The following LMNA variants were observed in gnomAD, a reference collection of about 807,000 sequenced individuals.
LMNA encodes lamin A/C.
LMNA carries 20 observed loss-of-function variants against 70.4 expected under a neutral mutation model. That is an observed-to-expected ratio of 0.28 (90% CI 0.20 to 0.41). The LOEUF (loss-of-function observed/expected upper bound fraction) is 0.41. Among genes scored for constraint, LMNA ranks in the 10% least tolerant of loss-of-function variants. The pLI, the probability that LMNA is intolerant of heterozygous loss-of-function variation, is 1.00. For missense variants in LMNA, 652 were observed against 917.2 expected (o/e 0.71, Z 3.73); for synonymous variants, 339 against 372.8 (o/e 0.91, Z 1.04).
intron 3 of LMNA, among the ~76,000 whole-genome samples, chr1:156,096,828 T>A (rs1408313981): frequency 6.6e-6 from 1 of 152,208 alleles, no homozygotes; most frequent in Admixed American, 6.5e-5. Context: ...CTTGGCCACC[T>A]CCCTTGCGCT....
upstream of LMNA, among the ~76,000 whole-genome samples, chr1:156,113,872 A>G (rs897905944): frequency 6.6e-6 from 1 of 152,186 alleles, no homozygotes; most frequent in Non-Finnish European, 1.5e-5. Flanking sequence ...GTAGAAAGGG[A>G]CTGAAGGGGG....
intron 3 of LMNA, among the ~76,000 whole-genome samples, chr1:156,096,930 C>A (rs1222304428): frequency 6.6e-6 from 1 of 152,168 alleles, no homozygotes; most frequent in Non-Finnish European, 1.5e-5. Flanking sequence ...CCCTGGGGCT[C>A]GGGGGCAGAC....
At position 156,134,313 on chromosome 1, in the gene LMNA, G is replaced by A; in HGVS notation, c.514-90G>A. 2.1e-6 allele frequency: 3 copies of A among 1,434,738 alleles called. No individual in the cohort carries two copies. The highest frequency in any genetic ancestry group is 1.4e-5 in the African/African-American group (1 of 71,160). The allele number at this position is 1,434,738 out of a possible 1,614,324, so 88.9% of individuals were successfully genotyped here. ...TGGACCTGTTTCCACATGTGTGAAG[G>A]GGTGCACAGGCAGCAGCCCACCTCT... On this transcript the variant is annotated intron_variant, in intron 2 of 11. Transcript: ENST00000368300. This position sits in a 1 kb window ranked among gnomAD's most constrained non-coding sequence, Gnocchi z 5.3.
Position 156,136,132 on chromosome 1 carries a change from G to T in LMNA, c.1157+11G>T. The T allele has an allele frequency of 6.2e-7, 1 of 1,613,904 alleles. No homozygotes were observed. The highest frequency in any genetic ancestry group is 8.5e-7 in the Non-Finnish European group (1 of 1,180,002). On this transcript the variant is annotated intron_variant, in intron 6 of 11. Coordinates refer to ENST00000368300, the MANE Select transcript of LMNA (RefSeq NM_170707.4). The surrounding 1 kb of genome is among the most constrained non-coding windows in gnomAD (Gnocchi z 6.1). ...GGGCGAGGAGGAGAGGTGGGCTGGG[G>T]AGACGTCGGGGAGGTGCTGGCAGTG...
rs373136704 is a variant in LMNA, at chr1:156,124,282, CCT to C, written c.357-6320_357-6319del. On this transcript the variant is annotated intron_variant, in intron 1 of 11. Transcript: ENST00000368300. ...CCTGGAACAGCTGCCCCCCTCAGTT[CCT>C]CTCTCTCTCTCTCTTTTTTTTTGAG... is the stretch of plus-strand genomic sequence containing the variant. 1.7e-3 allele frequency among the ~76,000 whole-genome samples: 253 copies of C among 150,928 alleles called. 1 individual carries two copies. The highest frequency in any genetic ancestry group is 6.0e-3 in the African/African-American group (246 of 41,002).
chr1:156,116,710 A>C (rs916164252), intron 1 of LMNA, among the ~76,000 whole-genome samples: 1 of 151,406 alleles, frequency 6.6e-6, no homozygotes, highest in African/African-American at 2.4e-5. Flanking sequence ...GATTACAGGC[A>C]TGTGCCACCA....
chr1:156,107,911 G>C lies in LMNA; in HGVS notation c.-206-6802G>C, dbSNP rs550124189. On this transcript the variant is annotated intron_variant, in intron 3 of 12. Coordinates refer to the LMNA transcript ENST00000368301. Reference sequence around the variant, plus strand: ...TCCCTGAGTAGCTGGGATTACAGGTGCATGCCACCACGCCCAGCTGATTTT... The same window carrying C: ...TCCCTGAGTAGCTGGGATTACAGGTCCATGCCACCACGCCCAGCTGATTTT... Among the ~76,000 whole-genome samples, 51 of 151,766 alleles carry C rather than the reference G, an allele frequency of 3.4e-4. 1 individual carries two copies. Among genetic ancestry groups the C allele is most frequent in the African/African-American group, 1.2e-3 (48 of 41,376 alleles).
At chr1:156,123,838 A>C (rs1650363976) in intron 1 of LMNA, among the ~76,000 whole-genome samples, 1 of 152,126 alleles carries the variant, frequency 6.6e-6, no homozygotes, top group African/African-American at 2.4e-5. Context: ...TGCCACGTTG[A>C]TACGCCCAGC....
chr1:156,097,723 C>A (rs908496115), intron 3 of LMNA, among the ~76,000 whole-genome samples: 25 of 152,310 alleles, frequency 1.6e-4, no homozygotes, highest in Middle Eastern at 3.4e-3. Context: ...AGGCCCCTAG[C>A]CTCCCTGCCT....
At chr1:156,104,588 G>A (rs958610409) in intron 3 of LMNA, among the ~76,000 whole-genome samples, 10 of 151,652 alleles carry the variant, frequency 6.6e-5, no homozygotes, top group East Asian at 5.8e-4. Flanking sequence ...GGTCTCTCTC[G>A]TCCATCCTCC....
At chr1:156,132,500 A>G (rs984351667) in intron 2 of LMNA, among the ~76,000 whole-genome samples, 1 of 152,112 alleles carries the variant, frequency 6.6e-6, no homozygotes, top group Non-Finnish European at 1.5e-5. Context: ...AAATAAAAAT[A>G]AATAATAAAT....
chr1:156,127,359 C>T (rs933602993), intron 1 of LMNA, among the ~76,000 whole-genome samples: 1 of 152,112 alleles, frequency 6.6e-6, no homozygotes, highest in African/African-American at 2.4e-5. Context: ...GGGAGCTCCC[C>T]GTGCCTAAGA....
chr1:156,136,340 C>T lies in LMNA; in HGVS notation c.1284C>T (p.Ser428=). 2 of 1,612,290 alleles carry T rather than the reference C, an allele frequency of 1.2e-6. No homozygotes were observed. Residue 428 remains serine (S), a synonymous_variant, in exon 7 of 12, where the codon AGC becomes AGT. Coordinates refer to ENST00000368300, the MANE Select transcript of LMNA (RefSeq NM_170707.4). This position sits in a 1 kb window ranked among gnomAD's most constrained non-coding sequence, Gnocchi z 6.1. ...AACTGGAGTCCACTGAGAGCCGCAGCAGCTTCTCACAGCACGCACGCACTA... is the reference window on the plus strand; with the variant it reads ...AACTGGAGTCCACTGAGAGCCGCAGTAGCTTCTCACAGCACGCACGCACTA... ...KRKLESTESR[S]SFSQHARTSG...
intron 3 of LMNA, among the ~76,000 whole-genome samples, chr1:156,104,907 C>T (rs1361046136): frequency 6.6e-6 from 1 of 152,208 alleles, no homozygotes; most frequent in African/African-American, 2.4e-5. Context: ...ACCATTTTCA[C>T]CTCCTCTGGG....
chr1:156,138,772 C>CT lies in LMNA; in HGVS notation c.1968+18dup, dbSNP rs554157057. ...CCCGAACCCAGGTGAGTTGTCTCTG[C>CT]TTTGTCTCCAAATCCTGCAGGCGGG... On this transcript the variant is annotated intron_variant, in intron 11 of 11. Coordinates refer to ENST00000368300, the MANE Select transcript of LMNA (RefSeq NM_170707.4). The surrounding 1 kb of genome is among the most constrained non-coding windows in gnomAD (Gnocchi z 5.5). The CT allele has an allele frequency of 1.1e-4, 177 of 1,613,308 alleles. No homozygotes were observed. The African/African-American group carries it at 2.2e-3, about 20-fold the overall frequency.
chr1:156,085,728 G>A (rs1205738465), intron 2 of LMNA, among the ~76,000 whole-genome samples: 1 of 152,174 alleles, frequency 6.6e-6, no homozygotes, highest in African/African-American at 2.4e-5. Flanking sequence ...TTATTGCTAA[G>A]CCTCAGTTTC....
At chr1:156,117,651 C>T (rs537622778) in intron 1 of LMNA, among the ~76,000 whole-genome samples, 1 of 152,312 alleles carries the variant, frequency 6.6e-6, no homozygotes, top group Non-Finnish European at 1.5e-5. Context: ...GCCTCAGCCT[C>T]CTGAGTAGCT....
chr1:156,122,342 T>C (rs1274922813), intron 1 of LMNA, among the ~76,000 whole-genome samples: 3 of 152,154 alleles, frequency 2.0e-5, no homozygotes, highest in Non-Finnish European at 4.4e-5. Flanking sequence ...GGTTCCAAAG[T>C]AGTACAGTGA....
chr1:156,113,345 G>A (rs1466651419), upstream of LMNA, among the ~76,000 whole-genome samples: 1 of 151,890 alleles, frequency 6.6e-6, no homozygotes, highest in Non-Finnish European at 1.5e-5. Context: ...ACAAACAGAG[G>A]ATGAGGTGGA....
Sources: allele counts gnomAD v4.1 joint callset (sites outside exome capture counted in the v4.1 genomes callset), GRCh38; gene constraint gnomAD v4.1.1; non-coding constraint Gnocchi (gnomAD v3.1); transcripts MANE v1.5; gene names NCBI Gene and HGNC (gene_info 2026-07-23, HGNC 2026-07-21).